The following CA10 variants were observed in gnomAD, a reference collection of about 807,000 sequenced individuals.
CA10 encodes the protein carbonic anhydrase-related protein 10.
Under a neutral mutation model 44.2 loss-of-function variants are expected in CA10, and 14 were observed. The observed-to-expected ratio is 0.32, with a 90% CI of 0.21 to 0.50. CA10 has a LOEUF of 0.50. Ranked by LOEUF, CA10 falls within the 20% of genes least tolerant of loss-of-function variation. The pLI is 0.99. For missense variants in CA10, 350 were observed against 409.7 expected, an observed-to-expected ratio of 0.85 and a Z score of 1.26; for synonymous variants, 159 against 141.6, an observed-to-expected ratio of 1.12 and a Z score of -0.87.
chr17:52,055,616 T>C (rs144479060), intron 2 of CA10, among the ~76,000 whole-genome samples: 1 of 152,214 alleles, frequency 6.6e-6, no homozygotes, highest in East Asian at 1.9e-4. Context: ...ATTGTGAAAC[T>C]GATATATTAT....
At chr17:51,713,552 G>A (rs1194961245) in intron 4 of CA10, among the ~76,000 whole-genome samples, 2 of 152,170 alleles carry the variant, frequency 1.3e-5, no homozygotes, top group African/African-American at 4.8e-5. Flanking sequence ...TAGGACCAAA[G>A]GCTAGCTAGC....
At chr17:52,054,770 C>T (rs753837212) in intron 2 of CA10, among the ~76,000 whole-genome samples, 15 of 151,526 alleles carry the variant, frequency 9.9e-5, no homozygotes, top group Admixed American at 3.9e-4. Flanking sequence ...GAATTTCCCC[C>T]GATAGATATG....
At chr17:51,856,764 G>A (rs1979063699) in intron 3 of CA10, among the ~76,000 whole-genome samples, 1 of 152,152 alleles carries the variant, frequency 6.6e-6, no homozygotes, top group Admixed American at 6.5e-5. Flanking sequence ...AGGTTATCTG[G>A]AGGTCTGAGG....
intron 4 of CA10, among the ~76,000 whole-genome samples, chr17:51,724,466 T>C (rs963455095): frequency 2.6e-5 from 4 of 152,208 alleles, no homozygotes; most frequent in African/African-American, 9.6e-5. Context: ...ATGCTTTGGA[T>C]GAGGTAAAAG....
chr17:51,975,669 A>G lies in CA10; in HGVS notation c.137-44537T>C, dbSNP rs796150389. ...ACTCCAGCCTGGGCGACATTGTGAGACTGTCTCAAAAACAAATGAATGAAT... is the reference window on the plus strand; with the variant it reads ...ACTCCAGCCTGGGCGACATTGTGAGGCTGTCTCAAAAACAAATGAATGAAT... On this transcript the variant is annotated intron_variant, in intron 2 of 8. Transcript: ENST00000451037. Among the ~76,000 whole-genome samples the G allele has an allele frequency of 6.6e-5, 10 of 152,274 alleles. 2 individuals are homozygous for G. The highest frequency in any genetic ancestry group is 2.4e-4 in the African/African-American group (10 of 41,570).
chr17:51,834,928 G>T (rs1024789906), intron 3 of CA10, among the ~76,000 whole-genome samples: 1 of 152,064 alleles, frequency 6.6e-6, no homozygotes, highest in Admixed American at 6.6e-5. Flanking sequence ...AATTCTATTC[G>T]GTCCTCTGAC....
At chr17:52,074,437 C>G (rs1182256312) in intron 1 of CA10, among the ~76,000 whole-genome samples, 1 of 152,158 alleles carries the variant, frequency 6.6e-6, no homozygotes, top group Non-Finnish European at 1.5e-5. Context: ...GCAAAAACTT[C>G]AGAGTTTTAT....
intron 1 of CA10, among the ~76,000 whole-genome samples, chr17:52,114,932 A>G (rs75304315): frequency 1.3e-5 from 2 of 152,134 alleles, no homozygotes; most frequent in African/African-American, 4.8e-5. Flanking sequence ...GGGGCCCCCT[A>G]ATGCTATGCT....
intron 3 of CA10, among the ~76,000 whole-genome samples, chr17:51,748,919 C>T (rs1432372400): frequency 6.6e-6 from 1 of 152,174 alleles, no homozygotes; most frequent in South Asian, 2.1e-4. Flanking sequence ...GACCATAATG[C>T]TCACCAAATA....
chr17:51,671,794 T>G (rs1431098971), intron 4 of CA10, among the ~76,000 whole-genome samples: 2 of 152,192 alleles, frequency 1.3e-5, no homozygotes, highest in African/African-American at 4.8e-5. Flanking sequence ...CCCTCCTAAA[T>G]TGCTATCTCC....
intron 4 of CA10, among the ~76,000 whole-genome samples, 178 bp from the exon 5 acceptor site, chr17:51,653,914 A>G (rs1913677742): frequency 6.6e-6 from 1 of 152,218 alleles, no homozygotes; most frequent in African/African-American, 2.4e-5. Context: ...AAATGCATGT[A>G]CACGCACACA....
At chr17:51,880,654 C>T (rs1356159401) in intron 3 of CA10, among the ~76,000 whole-genome samples, 1 of 152,110 alleles carries the variant, frequency 6.6e-6, no homozygotes, top group Non-Finnish European at 1.5e-5. Flanking sequence ...GCTCACTGCA[C>T]CTCACATTTT....
chr17:51,652,433 G>A (rs1384783374), intron 5 of CA10, among the ~76,000 whole-genome samples: 1 of 152,240 alleles, frequency 6.6e-6, no homozygotes, highest in African/African-American at 2.4e-5. Context: ...ACAAAGGCAT[G>A]AAAGCCTAAA....
At chr17:51,647,527 CTTAATA>C (rs1567787978) in intron 6 of CA10, among the ~76,000 whole-genome samples, 1 of 151,960 alleles carries the variant, frequency 6.6e-6, no homozygotes, top group Non-Finnish European at 1.5e-5. Flanking sequence ...AGCCACATCA[CTTAATA>C]TTAATCAGAC....
intron 2 of CA10, among the ~76,000 whole-genome samples, chr17:51,949,626 G>A (rs145908709): frequency 1.6e-4 from 25 of 152,250 alleles, no homozygotes; most frequent in East Asian, 7.7e-4. Flanking sequence ...TTCATTTAGC[G>A]TGTAAGCCAA....
intron 3 of CA10, among the ~76,000 whole-genome samples, chr17:51,859,594 C>T (rs1380303313): frequency 6.6e-6 from 1 of 152,120 alleles, no homozygotes; most frequent in Non-Finnish European, 1.5e-5. Context: ...ATATTGGCAT[C>T]AGGAGAGCTG....
chr17:52,110,424 A>C (rs1988765100), intron 1 of CA10, among the ~76,000 whole-genome samples: 1 of 152,376 alleles, frequency 6.6e-6, no homozygotes, highest in South Asian at 2.1e-4. Context: ...CCAATAGGAA[A>C]ACAGTTATTG....
intron 3 of CA10, among the ~76,000 whole-genome samples, chr17:51,828,486 C>A (rs145145699): frequency 9.1e-4 from 138 of 152,194 alleles, no homozygotes; most frequent in African/African-American, 3.1e-3. Context: ...ATTGTCCCTA[C>A]TCTTAATGTT....
At chr17:51,688,626 G>A (rs1413757037) in intron 4 of CA10, among the ~76,000 whole-genome samples, 1 of 152,002 alleles carries the variant, frequency 6.6e-6, no homozygotes, top group Non-Finnish European at 1.5e-5. Flanking sequence ...TATTATTATG[G>A]ACTATTTCAT....
Sources: gnomAD v4.1 joint callset for allele counts (sites outside exome capture counted in the v4.1 genomes callset) on GRCh38, gnomAD v4.1.1 for gene constraint, MANE v1.5 for transcripts, NCBI Gene and HGNC (gene_info 2026-07-23, HGNC 2026-07-21) for gene names.